ERBB4: variants seen among roughly 807,000 people sequenced by gnomAD.
ERBB4 encodes the protein erb-b2 receptor tyrosine kinase 4.
A neutral mutation model predicts 158.0 loss-of-function variants in ERBB4; 42 were observed. The ratio of observed to expected loss-of-function variants is 0.27; its 90% CI spans 0.21 to 0.34. The LOEUF (loss-of-function observed/expected upper bound fraction) is 0.34. Ranked by LOEUF, ERBB4 falls within the 10% of genes least tolerant of loss-of-function variation. The probability of loss-of-function intolerance (pLI) is 1.00; values close to 1 mark genes in which losing one functional copy is unlikely to be tolerated. For missense variants in ERBB4, 1,333 were observed against 1,624.1 expected (o/e 0.82, Z 3.08); for synonymous variants, 583 against 558.7 (o/e 1.04, Z -0.61).
chr2:212,093,800 T>A (rs2078848390), intron 2 of ERBB4, among the ~76,000 whole-genome samples: 1 of 152,168 alleles, frequency 6.6e-6, no homozygotes, highest in African/African-American at 2.4e-5. Context: ...TTGATTGCTT[T>A]TATATAATAA....
At chr2:212,409,392 G>T (rs1272598889) in intron 1 of ERBB4, among the ~76,000 whole-genome samples, 3 of 152,114 alleles carry the variant, frequency 2.0e-5, no homozygotes, top group East Asian at 3.9e-4. Context: ...ATGTTTTAAA[G>T]TCCTTGAGAT....
chr2:211,793,349 G>A (rs888911364), intron 3 of ERBB4, among the ~76,000 whole-genome samples: 2 of 151,678 alleles, frequency 1.3e-5, no homozygotes, highest in South Asian at 4.2e-4. Context: ...ATTTTGTTTT[G>A]CAGGGGTGCA....
intron 1 of ERBB4, among the ~76,000 whole-genome samples, chr2:212,176,977 C>T (rs1433239555): frequency 6.6e-6 from 1 of 151,480 alleles, no homozygotes; most frequent in Non-Finnish European, 1.5e-5. Flanking sequence ...TCTTTATATA[C>T]AAATGAAATT....
At chr2:212,123,011 T>C (rs1254514382) in intron 2 of ERBB4, among the ~76,000 whole-genome samples, 1 of 152,214 alleles carries the variant, frequency 6.6e-6, no homozygotes, top group African/African-American at 2.4e-5. Context: ...CTTTCTTTGT[T>C]AGTTTGTCTA....
rs1553524037 is a variant in ERBB4, at chr2:211,413,309, A to AAAAC, written c.3135+7131_3135+7132insGTTT. ...GGACAGAGAGAGACCCTGTCTTAAAAACACACACACACACACACACACACA... is the reference window on the plus strand; with the variant it reads ...GGACAGAGAGAGACCCTGTCTTAAAAAAACACACACACACACACACACACACACA... On this transcript the variant is annotated intron_variant, in intron 25 of 27. Coordinates refer to ENST00000342788, the MANE Select transcript of ERBB4 (RefSeq NM_005235.3). Among the ~76,000 whole-genome samples the AAAAC allele has an allele frequency of 5.6e-4, 53 of 94,574 alleles. 3 individuals carry two copies. The highest frequency in any genetic ancestry group is 3.8e-3 in the South Asian group (13 of 3,450). 62.0% of individuals were successfully genotyped at this position (94,574 alleles called of 152,430 possible). A position where few individuals can be genotyped will look rare whatever the true frequency, so the allele number is the denominator to read the frequency against.
intron 1 of ERBB4, among the ~76,000 whole-genome samples, chr2:212,396,903 ATG>A (rs1255672956): frequency 6.6e-6 from 1 of 152,198 alleles, no homozygotes; most frequent in Non-Finnish European, 1.5e-5. Context: ...ACAAATAAGA[ATG>A]TGTCTGTACA....
At chr2:212,397,168 T>C (rs10497973) in intron 1 of ERBB4, among the ~76,000 whole-genome samples, 14,297 of 152,180 alleles carry the variant, frequency 0.094, 823 homozygotes, top group Non-Finnish European at 0.13. Flanking sequence ...AATATCAGAA[T>C]GGCCTTTTAA....
chr2:212,045,761 C>G (rs2077246324), intron 2 of ERBB4, among the ~76,000 whole-genome samples: 1 of 152,196 alleles, frequency 6.6e-6, no homozygotes, highest in Non-Finnish European at 1.5e-5. Context: ...CCAAGAATAG[C>G]TTTTACAATC....
intron 25 of ERBB4, among the ~76,000 whole-genome samples, chr2:211,403,483 C>G (rs543036726): frequency 6.4e-4 from 97 of 152,216 alleles, no homozygotes; most frequent in African/African-American, 2.3e-3. Flanking sequence ...ATTGGTATCA[C>G]TGAGATTGCA....
At chr2:211,497,653 A>G (rs567173616) in intron 20 of ERBB4, among the ~76,000 whole-genome samples, 1 of 152,270 alleles carries the variant, frequency 6.6e-6, no homozygotes, top group East Asian at 1.9e-4. Context: ...AGAAAAATTG[A>G]CAGGACTTGC....
At chr2:212,274,489 A>C (rs1440689895) in intron 1 of ERBB4, among the ~76,000 whole-genome samples, 1 of 151,866 alleles carries the variant, frequency 6.6e-6, no homozygotes, top group Non-Finnish European at 1.5e-5. Flanking sequence ...CACATCACTT[A>C]AGCTCACCAC....
At chr2:211,691,977 C>T (rs2105999737) in intron 12 of ERBB4, among the ~76,000 whole-genome samples, 1 of 152,206 alleles carries the variant, frequency 6.6e-6, no homozygotes, top group Admixed American at 6.5e-5. Flanking sequence ...AGTAAAGGAC[C>T]TCCTATTTCA....
chr2:211,588,138 TAAG>T (rs2068343796), intron 19 of ERBB4, among the ~76,000 whole-genome samples: 1 of 152,148 alleles, frequency 6.6e-6, no homozygotes, highest in Non-Finnish European at 1.5e-5. Flanking sequence ...TTTTGTGTAT[TAAG>T]AAGAAAAATA....
intron 19 of ERBB4, among the ~76,000 whole-genome samples, chr2:211,607,813 C>T (rs927420072): frequency 2.7e-5 from 4 of 150,220 alleles, no homozygotes; most frequent in African/African-American, 7.3e-5. Context: ...TCATGAAAAG[C>T]GTTAATGATT....
intron 25 of ERBB4, among the ~76,000 whole-genome samples, chr2:211,411,373 G>C (rs534695713): frequency 6.6e-6 from 1 of 152,162 alleles, no homozygotes; most frequent in South Asian, 2.1e-4. Context: ...CAAATTAGTG[G>C]AAAATCAGAG....
At chr2:212,075,702 C>T (rs1156904106) in intron 2 of ERBB4, among the ~76,000 whole-genome samples, 2 of 151,740 alleles carry the variant, frequency 1.3e-5, no homozygotes, top group African/African-American at 2.4e-5. Flanking sequence ...AATATTCATA[C>T]CTGTTAGCTG....
intron 2 of ERBB4, among the ~76,000 whole-genome samples, chr2:211,965,097 T>C (rs2081276511): frequency 6.6e-6 from 1 of 152,186 alleles, no homozygotes; most frequent in African/African-American, 2.4e-5. Context: ...TTTGTATAAC[T>C]AATTGCCTCT....
rs1219517961 is a variant in ERBB4, at chr2:211,772,884, TAC to T, written c.556+15139_556+15140del. ...ATATATATATACACATATATATATA[TAC>T]ACACACACACACATATATATATACA... On this transcript the variant is annotated intron_variant, in intron 4 of 27. Coordinates refer to ENST00000342788, the MANE Select transcript of ERBB4 (RefSeq NM_005235.3). Among the ~76,000 whole-genome samples the T allele has an allele frequency of 1.2e-3, 103 of 83,010 alleles. 2 individuals carry two copies. The highest frequency in any genetic ancestry group is 6.0e-3 in the Middle Eastern group (1 of 166). The allele number at this position is 83,010 out of a possible 152,430, so 54.5% of individuals were successfully genotyped here.
intron 20 of ERBB4, among the ~76,000 whole-genome samples, chr2:211,550,594 T>TATATATATATATAA (rs1256961213): frequency 1.4e-5 from 2 of 145,270 alleles, no homozygotes; most frequent in South Asian, 2.1e-4. Flanking sequence ...TATATATATA[T>TATATATATATATAA]AAATATATAG....
Sources: allele counts gnomAD v4.1 joint callset (sites outside exome capture counted in the v4.1 genomes callset), GRCh38; gene constraint gnomAD v4.1.1; transcripts MANE v1.5; gene names NCBI Gene and HGNC (gene_info 2026-07-23, HGNC 2026-07-21).